Variants in FKBP14 observed in about 807,000 individuals in gnomAD.
The protein encoded by FKBP14 is FKBP prolyl isomerase 14, also known as peptidyl-prolyl cis-trans isomerase FKBP14.
Under a neutral mutation model 21.6 loss-of-function variants are expected in FKBP14, and 20 were observed. The observed-to-expected ratio is 0.92, with a 90% CI of 0.65 to 1.34. The LOEUF is 1.34. Among genes scored for constraint, FKBP14 ranks in the 40% most tolerant of loss-of-function variants. FKBP14 has a pLI of 0.00. For synonymous variants in FKBP14, 79 were observed against 86.7 expected (o/e 0.91, Z 0.49); for missense variants, 253 against 249.0 (o/e 1.02, Z -0.11).
At chr7:30,009,249 T>C (rs1357646629), downstream of FKBP14, among the ~76,000 whole-genome samples, 2 of 152,020 alleles carry the variant, frequency 1.3e-5, no homozygotes, top group Non-Finnish European at 2.9e-5. Flanking sequence ...TTTTTTTTTT[T>C]TGAGATGGAA....
chr7:30,015,005 ATAC>A, intron 3 of FKBP14, 112 bp from the exon 4 acceptor site: 1 of 576,574 alleles, frequency 1.7e-6, no homozygotes, highest in Non-Finnish European at 2.8e-6. Flanking sequence ...ACTAAATATA[ATAC>A]CTTCTAAACA....
intron 3 of FKBP14, among the ~76,000 whole-genome samples, chr7:30,017,998 G>GAAATAATT (rs1789936006): frequency 6.9e-6 from 1 of 145,754 alleles, no homozygotes; most frequent in African/African-American, 2.6e-5. Flanking sequence ...TCCCTCTCAG[G>GAAATAATT]AAATAAATAA....
rs1789731452 is a variant in FKBP14, at chr7:30,011,554, T to TATATATATACC, written c.*3170_*3180dup. On this transcript the variant is annotated 3_prime_UTR_variant, in exon 4 of 4. Coordinates refer to ENST00000222803, the MANE Select transcript of FKBP14 (RefSeq NM_017946.4). The stretch of plus-strand genomic sequence containing the variant: ...ACACACCATATATATATATACTATA[T>TATATATATACC]ATATATATACCATATATATGGTATA... 1 of 144,096 alleles carries TATATATATACC rather than the reference T, an allele frequency of 6.9e-6. No homozygotes were observed. Among genetic ancestry groups the TATATATATACC allele is most frequent in the African/African-American group, 2.6e-5 (1 of 39,052 alleles). 8.9% of individuals were successfully genotyped at this position (144,096 alleles called of 1,614,324 possible).
chr7:30,010,312 A>G (rs1789691535), downstream of FKBP14, among the ~76,000 whole-genome samples: 1 of 152,202 alleles, frequency 6.6e-6, no homozygotes, highest in African/African-American at 2.4e-5. Context: ...GAAAAACCAA[A>G]AACACTTTCT....
intron 1 of FKBP14, among the ~76,000 whole-genome samples, chr7:30,024,014 C>T (rs1790106679): frequency 6.6e-6 from 1 of 152,070 alleles, no homozygotes; most frequent in African/African-American, 2.4e-5. Flanking sequence ...CCTAGGAAAA[C>T]CAACCTGCCG....
intron 2 of FKBP14, among the ~76,000 whole-genome samples, chr7:30,021,137 A>G (rs181978195): frequency 2.0e-5 from 3 of 152,360 alleles, no homozygotes; most frequent in South Asian, 2.1e-4. Flanking sequence ...TAAGTAATAC[A>G]TGCTCATTGT....
Position 30,014,841 on chromosome 7 carries a change from T to A in FKBP14, c.530A>T (p.Glu177Val). The A allele has an allele frequency of 6.2e-7, 1 of 1,611,602 alleles. No individual in the cohort carries two copies. Among genetic ancestry groups the A allele is most frequent in the Non-Finnish European group, 8.5e-7 (1 of 1,179,308 alleles). ...CTCCACCAAAGCATCATGATGACTT[T>A]CATTCACCACCGCACCATGTTTTTC... ...EFEKHGAVVN[E>V]SHHDALVEDI... Residue 177 changes from glutamate (E) to valine (V), a missense_variant, in exon 4 of 4, where the codon GAA (glutamate) becomes GTA (valine). By Grantham distance (121) the Glu-to-Val change is moderately radical. Coordinates refer to ENST00000222803, the MANE Select transcript of FKBP14 (RefSeq NM_017946.4).
intron 2 of FKBP14, among the ~76,000 whole-genome samples, chr7:30,020,577 A>AT (rs1331750243): frequency 6.6e-6 from 1 of 152,196 alleles, no homozygotes; most frequent in Non-Finnish European, 1.5e-5. Context: ...AGTTTAATTT[A>AT]TAAAATAGTC....
chr7:30,023,994 G>A (rs901083750), intron 1 of FKBP14, among the ~76,000 whole-genome samples: 3 of 152,152 alleles, frequency 2.0e-5, no homozygotes, highest in Admixed American at 6.5e-5. Flanking sequence ...ATGAGTTGAA[G>A]AGAGTCTAGC....
intron 3 of FKBP14, among the ~76,000 whole-genome samples, chr7:30,018,718 A>G (rs1391648670): frequency 6.6e-6 from 1 of 152,252 alleles, no homozygotes; most frequent in African/African-American, 2.4e-5. Context: ...AGCATAAGAT[A>G]CAGTGAACCC....
downstream of FKBP14, among the ~76,000 whole-genome samples, chr7:30,008,662 A>C (rs1251811792): frequency 1.4e-5 from 2 of 146,928 alleles, no homozygotes; most frequent in Non-Finnish European, 3.0e-5. Context: ...TGGAGGTTGC[A>C]GTGAGCTGAG....
chr7:30,011,395 A>G lies in FKBP14; in HGVS notation c.*3340T>C, dbSNP rs866055440. 1.3e-5 allele frequency: 2 copies of G among 151,588 alleles called. No individual in the cohort carries two copies. Among genetic ancestry groups the G allele is most frequent in the African/African-American group, 4.9e-5 (2 of 41,214 alleles). 9.4% of individuals were successfully genotyped at this position (151,588 alleles called of 1,614,324 possible). ...TGTCACCTAAGTGTACGGTGTTTAT[A>G]AAGTCTACAGTAGTGTACAGTAATG... On this transcript the variant is annotated 3_prime_UTR_variant, in exon 4 of 4. Transcript: ENST00000222803.
chr7:30,026,609 G>C lies in FKBP14; in HGVS notation c.-101C>G. 1.8e-6 allele frequency: 2 copies of C among 1,100,268 alleles called. No individual in the cohort carries two copies. The highest frequency in any genetic ancestry group is 1.7e-5 in the South Asian group (1 of 60,352). 68.2% of individuals were successfully genotyped at this position (1,100,268 alleles called of 1,614,324 possible). ...TCAAGGCTTACGGACAAGGGCTTCA[G>C]ACAAGTTCAGGACTCCCCCTTCTTA... On this transcript the variant is annotated 5_prime_UTR_variant, in exon 1 of 4. Coordinates refer to ENST00000222803, the MANE Select transcript of FKBP14 (RefSeq NM_017946.4).
intron 3 of FKBP14, among the ~76,000 whole-genome samples, chr7:30,016,811 CTTCT>C (rs1789897457): frequency 6.6e-6 from 1 of 152,148 alleles, no homozygotes; most frequent in Admixed American, 6.5e-5. Flanking sequence ...ACCTCTCTTC[CTTCT>C]GTTTAGACCA....
Position 30,019,014 on chromosome 7 carries a change from C to A in FKBP14, c.459G>T (p.Trp153Cys). ...AGGTCACCTCATCTTTAGAGAGTTT[C>A]CAGTCATCATTAAGATCCATTTCTT... Reference protein sequence around the residue: ...SFQEMDLNDDWKLSKDEVKAY... With the variant: ...SFQEMDLNDDCKLSKDEVKAY... The change falls in exon 3 of 4, where the codon TGG (tryptophan) becomes TGT (cysteine). Residue 153 changes from tryptophan (W) to cysteine (C), a missense_variant. Physicochemically the swap from Trp to Cys is radical, Grantham distance 215 (BLOSUM62 -2). Transcript: ENST00000222803. The A allele has an allele frequency of 2.5e-6, 4 of 1,609,094 alleles. No homozygotes were observed. Among genetic ancestry groups the A allele is most frequent in the Non-Finnish European group, 3.4e-6 (4 of 1,178,468 alleles).
chr7:30,022,030 A>G (rs903564418), intron 2 of FKBP14, among the ~76,000 whole-genome samples: 2 of 152,172 alleles, frequency 1.3e-5, no homozygotes, highest in African/African-American at 2.4e-5. Flanking sequence ...ATGTCACTCT[A>G]TGATTTTTTT....
In FKBP14 at chr7:30,026,684, T is replaced by G; in HGVS notation, c.-176A>C. 1 of 577,924 alleles carries G rather than the reference T, an allele frequency of 1.7e-6. No individual in the cohort carries two copies. Among genetic ancestry groups the G allele is most frequent in the Non-Finnish European group, 3.0e-6 (1 of 336,604 alleles). The allele number at this position is 577,924 out of a possible 1,614,324, so 35.8% of individuals were successfully genotyped here. On this transcript the variant is annotated 5_prime_UTR_variant, in exon 1 of 4. Transcript: ENST00000222803. The stretch of plus-strand genomic sequence containing the variant: ...ACTCTTTTCTCAAGGGTCACGAACC[T>G]ACCTTTAAAGAGTTAAGCCCAAATG...
At position 30,013,177 on chromosome 7, in the gene FKBP14, TA is replaced by T. The variant is rs1212362659; in HGVS notation, c.*1557del. The T allele has an allele frequency of 6.6e-6, 1 of 151,860 alleles. No homozygotes were observed. The highest frequency in any genetic ancestry group is 1.5e-5 in the Non-Finnish European group (1 of 67,970). 9.4% of individuals were successfully genotyped at this position (151,860 alleles called of 1,614,324 possible). ...ATTAAAGATAAAAGCCAATTTAAAA[TA>T]AAATTATATATATTTTTTTCTTTTT... On this transcript the variant is annotated 3_prime_UTR_variant, in exon 4 of 4. Coordinates refer to ENST00000222803, the MANE Select transcript of FKBP14 (RefSeq NM_017946.4).
At chr7:30,010,080 ATTTCC>A (rs1477953545), downstream of FKBP14, among the ~76,000 whole-genome samples, 2 of 152,202 alleles carry the variant, frequency 1.3e-5, no homozygotes, top group African/African-American at 4.8e-5. Flanking sequence ...CTACAAATTC[ATTTCC>A]ATAAGGAAAG....
Sources: allele counts gnomAD v4.1 joint callset (sites outside exome capture counted in the v4.1 genomes callset), GRCh38; gene constraint gnomAD v4.1.1; transcripts MANE v1.5; gene names NCBI Gene and HGNC (gene_info 2026-07-23, HGNC 2026-07-21).